The following SAMSN1 variants were observed in gnomAD, a reference collection of about 807,000 sequenced individuals.
SAMSN1 encodes the protein SAM domain-containing protein SAMSN-1.
In SAMSN1, 31 loss-of-function variants were observed where a neutral mutation model predicts 42.0. That is an observed-to-expected ratio of 0.74 (90% CI 0.55 to 1.00). The LOEUF (loss-of-function observed/expected upper bound fraction) is 1.00, where lower values mean the gene tolerates loss of function less well. SAMSN1 is among the 50% of genes least tolerant of loss of function. SAMSN1 has a pLI of 0.00. For missense variants in SAMSN1, 464 were observed against 439.4 expected (o/e 1.06, Z -0.50); for synonymous variants, 178 against 151.9 (o/e 1.17, Z -1.26).
intron 2 of SAMSN1, among the ~76,000 whole-genome samples, chr21:14,569,629 T>C (rs1981229429): frequency 6.6e-6 from 1 of 152,168 alleles, no homozygotes; most frequent in Admixed American, 6.6e-5. Context: ...AAGTTATTGA[T>C]TCTGCAAATG....
chr21:14,626,819 C>T (rs1366600078), intron 2 of SAMSN1, among the ~76,000 whole-genome samples: 2 of 152,172 alleles, frequency 1.3e-5, no homozygotes, highest in Admixed American at 6.5e-5. Context: ...TATAAAGACA[C>T]ATGCACACGT....
At chr21:14,528,573 C>T (rs762329601) in intron 1 of SAMSN1, among the ~76,000 whole-genome samples, 22 of 152,188 alleles carry the variant, frequency 1.4e-4, no homozygotes, top group Admixed American at 2.6e-4. Context: ...TTGCTCATTG[C>T]TGTCTTTGGA....
intron 2 of SAMSN1, among the ~76,000 whole-genome samples, chr21:14,575,109 G>T (rs1274440728): frequency 6.6e-6 from 1 of 152,078 alleles, no homozygotes; most frequent in Non-Finnish European, 1.5e-5. Flanking sequence ...TTCATAGACT[G>T]GATGGCTTAG....
intron 7 of SAMSN1, among the ~76,000 whole-genome samples, chr21:14,493,778 A>G (rs1017310021): frequency 6.6e-6 from 1 of 152,168 alleles, no homozygotes; most frequent in South Asian, 2.1e-4. Context: ...TCTTCTCCCT[A>G]TAACCTTATC....
At chr21:14,642,697 T>A (rs1983623982) in intron 2 of SAMSN1, among the ~76,000 whole-genome samples, 1 of 152,236 alleles carries the variant, frequency 6.6e-6, no homozygotes, top group African/African-American at 2.4e-5. Flanking sequence ...TAGTATCTTA[T>A]CTTGCCTTTC....
intron 1 of SAMSN1, among the ~76,000 whole-genome samples, chr21:14,653,379 T>C (rs1983865399): frequency 6.6e-6 from 1 of 151,966 alleles, no homozygotes; most frequent in Non-Finnish European, 1.5e-5. Flanking sequence ...TTATGGTAAG[T>C]GAAATAATTC....
rs191370429 is a variant in SAMSN1 at position 14,505,979 on chromosome 21, G to A, written c.561+4331C>T. On this transcript the variant is annotated intron_variant, in intron 5 of 7. Coordinates refer to ENST00000400566, the MANE Select transcript of SAMSN1 (RefSeq NM_022136.5). The stretch of plus-strand genomic sequence containing the variant: ...AACCATGCAAATATATGATCCCTGG[G>A]TGAAAAATGAAATCAAGATGGAAAT... 1.4e-3 allele frequency among the ~76,000 whole-genome samples: 211 copies of A among 152,004 alleles called. 2 individuals carry two copies. Among genetic ancestry groups the A allele is most frequent in the Middle Eastern group, 3.4e-3 (1 of 294 alleles).
intron 2 of SAMSN1, among the ~76,000 whole-genome samples, chr21:14,623,390 G>A (rs1003583105): frequency 7.2e-5 from 11 of 152,152 alleles, no homozygotes; most frequent in Admixed American, 6.5e-4. Flanking sequence ...CATCTCACGT[G>A]CAGAGACACA....
At chr21:14,640,962 T>C (rs578162850) in intron 2 of SAMSN1, among the ~76,000 whole-genome samples, 1 of 152,142 alleles carries the variant, frequency 6.6e-6, no homozygotes, top group Non-Finnish European at 1.5e-5. Flanking sequence ...AAAATTTTAG[T>C]CGACTAGTTG....
At chr21:14,590,116 C>G (rs1037827856) in intron 7 of SAMSN1, among the ~76,000 whole-genome samples, 5 of 151,928 alleles carry the variant, frequency 3.3e-5, no homozygotes, top group African/African-American at 1.2e-4. Context: ...TTTTAATGCT[C>G]CCATGTATTA....
intron 2 of SAMSN1, among the ~76,000 whole-genome samples, chr21:14,579,604 T>C (rs924898615): frequency 6.6e-6 from 1 of 151,970 alleles, no homozygotes; most frequent in African/African-American, 2.4e-5. Context: ...ATTTATTTAT[T>C]TATTTCTGTT....
intron 2 of SAMSN1, among the ~76,000 whole-genome samples, chr21:14,520,743 G>C (rs1978405225): frequency 6.6e-6 from 1 of 152,164 alleles, no homozygotes; most frequent in South Asian, 2.1e-4. Context: ...GGGGGAAGGG[G>C]ACGGAGCTAT....
intron 2 of SAMSN1, among the ~76,000 whole-genome samples, chr21:14,640,397 C>T (rs1983566385): frequency 6.6e-6 from 1 of 152,036 alleles, no homozygotes; most frequent in Non-Finnish European, 1.5e-5. Context: ...GAAGCTTGAG[C>T]CATAACTCCA....
rs192866218 is a variant in SAMSN1 at position 14,636,503 on chromosome 21, A to G, written c.156+6499T>C. 7.6e-4 allele frequency among the ~76,000 whole-genome samples: 115 copies of G among 152,148 alleles called. 1 individual carries two copies. The highest frequency in any genetic ancestry group is 2.7e-3 in the African/African-American group (111 of 41,492). ...TCACTGCAGTCAAGTCACTAATCTC[A>G]TCTTCCTCATTGGTAAATGGATGTG... On this transcript the variant is annotated intron_variant, in intron 2 of 15. Transcript: ENST00000647101.
chr21:14,492,868 A>G (rs1986753515), intron 7 of SAMSN1, among the ~76,000 whole-genome samples: 1 of 152,212 alleles, frequency 6.6e-6, no homozygotes, highest in South Asian at 2.1e-4. Context: ...TGCTTTCTCT[A>G]CTTTGTGTGG....
intron 7 of SAMSN1, among the ~76,000 whole-genome samples, chr21:14,494,558 G>C (rs754428420): frequency 1.1e-4 from 17 of 152,262 alleles, no homozygotes; most frequent in Middle Eastern, 3.4e-3. Context: ...TGCTTGTCAG[G>C]GGGTGGGGGG....
At chr21:14,505,068 C>T (rs910742659) in intron 5 of SAMSN1, among the ~76,000 whole-genome samples, 12 of 152,036 alleles carry the variant, frequency 7.9e-5, no homozygotes, top group African/African-American at 9.7e-5. Context: ...TTGTCACTAC[C>T]AAGCCACTAA....
rs182162323 is a variant in SAMSN1 at position 14,498,384 on chromosome 21, A to G, written c.919+58T>C. 6.3e-6 allele frequency: 9 copies of G among 1,431,296 alleles called. No individual in the cohort carries two copies. The East Asian group carries it at 1.2e-4, about 19-fold the overall frequency. The allele number at this position is 1,431,296 out of a possible 1,614,324, so 88.7% of individuals were successfully genotyped here. A position where few individuals can be genotyped will look rare whatever the true frequency, so the allele number is the denominator to read the frequency against. ...AACTGGGGCTTTGTTTCTAATGATT[A>G]TACTATTTACATTAAACTGATTATC... is the stretch of plus-strand genomic sequence containing the variant. On this transcript the variant is annotated intron_variant, in intron 7 of 7. Transcript: ENST00000400566.
chr21:14,609,839 C>T (rs1982659769), intron 4 of SAMSN1, among the ~76,000 whole-genome samples: 1 of 152,170 alleles, frequency 6.6e-6, no homozygotes, highest in Non-Finnish European at 1.5e-5. Flanking sequence ...TACACCTGGC[C>T]TGTCTTTACT....
Sources: gnomAD v4.1 joint callset for allele counts (sites outside exome capture counted in the v4.1 genomes callset) on GRCh38, gnomAD v4.1.1 for gene constraint, MANE v1.5 for transcripts, NCBI Gene and HGNC (gene_info 2026-07-23, HGNC 2026-07-21) for gene names.